Variants in PCDH15 observed in about 807,000 individuals in gnomAD.
PCDH15 encodes the protein protocadherin-15.
In PCDH15, 129 loss-of-function variants were observed where a neutral mutation model predicts 178.5. That is an observed-to-expected ratio of 0.72 (90% CI 0.63 to 0.84). The LOEUF is 0.84. Ranked by LOEUF, PCDH15 falls within the 40% of genes least tolerant of loss-of-function variation. The pLI is 0.00. For missense variants in PCDH15, 2,230 were observed against 2,099.9 expected (o/e 1.06, Z -1.21); for synonymous variants, 800 against 732.0 (o/e 1.09, Z -1.50).
At chr10:55,241,901 C>T (rs1841551851) in intron 1 of PCDH15, among the ~76,000 whole-genome samples, 2 of 152,162 alleles carry the variant, frequency 1.3e-5, no homozygotes, top group South Asian at 4.1e-4. Flanking sequence ...TGAGTTAGAA[C>T]TTATCACAAA....
intron 3 of PCDH15, among the ~76,000 whole-genome samples, chr10:54,890,294 A>G (rs1236032773): frequency 1.3e-5 from 2 of 152,108 alleles, no homozygotes; most frequent in Non-Finnish European, 2.9e-5. Context: ...CTCTAAACAT[A>G]CATGTTTAAG....
chr10:54,367,323 AC>A (rs1247925804), intron 5 of PCDH15, among the ~76,000 whole-genome samples: 2 of 152,042 alleles, frequency 1.3e-5, no homozygotes, highest in Non-Finnish European at 1.5e-5. Flanking sequence ...AAATTGCAAA[AC>A]TTTTGAAAAG....
chr10:55,219,246 A>C (rs1353893690), intron 1 of PCDH15, among the ~76,000 whole-genome samples: 2 of 151,872 alleles, frequency 1.3e-5, no homozygotes, highest in African/African-American at 4.8e-5. Context: ...GTGGCTATAC[A>C]TCCTGTTGTG....
chr10:54,985,069 T>C (rs1448213701), intron 2 of PCDH15, among the ~76,000 whole-genome samples: 1 of 152,068 alleles, frequency 6.6e-6, no homozygotes, highest in Admixed American at 6.5e-5. Context: ...TTATATGACC[T>C]ATATGTTAGG....
intron 2 of PCDH15, among the ~76,000 whole-genome samples, chr10:54,910,384 AT>A (rs1019118235): frequency 8.6e-5 from 13 of 152,016 alleles, no homozygotes; most frequent in African/African-American, 2.9e-4. Flanking sequence ...TTACAAGCAT[AT>A]TTTTTTCCTT....
rs779314972 is a variant in PCDH15 at position 53,808,890 on chromosome 10, C to T, written c.4671+1666G>A. 3.1e-6 allele frequency: 5 copies of T among 1,594,174 alleles called. No homozygotes were observed. The South Asian group carries it at 3.4e-5, about 11-fold the overall frequency. On this transcript the variant is annotated intron_variant, in intron 37 of 37. Coordinates refer to ENST00000644397, the MANE Select transcript of PCDH15 (RefSeq NM_001384140.1). ...CCACCGAAGCTGATTCTGCACTGCC[C>T]TCTTCAGGGATATCTTGAGCTTCAG...
At chr10:54,890,469 A>G (rs913429464) in intron 3 of PCDH15, among the ~76,000 whole-genome samples, 2 of 152,096 alleles carry the variant, frequency 1.3e-5, no homozygotes, top group African/African-American at 2.4e-5. Flanking sequence ...TTAAGTCTAC[A>G]GATGGCAATT....
At chr10:55,196,441 C>T (rs1840095316) in intron 1 of PCDH15, among the ~76,000 whole-genome samples, 1 of 151,994 alleles carries the variant, frequency 6.6e-6, no homozygotes, top group South Asian at 2.1e-4. Flanking sequence ...CAATAGAGCT[C>T]TCAATTATTT....
At chr10:54,710,441 T>G (rs956841586) in intron 1 of PCDH15, among the ~76,000 whole-genome samples, 1 of 152,052 alleles carries the variant, frequency 6.6e-6, no homozygotes, top group Non-Finnish European at 1.5e-5. Context: ...GAAGCATTTC[T>G]CTCTCAAGAC....
At chr10:55,393,597 T>G (rs1026272038) in intron 2 of PCDH15, among the ~76,000 whole-genome samples, 3 of 152,148 alleles carry the variant, frequency 2.0e-5, no homozygotes, top group Non-Finnish European at 4.4e-5. Flanking sequence ...CCATCTGGCA[T>G]GGCACAATGA....
intron 17 of PCDH15, among the ~76,000 whole-genome samples, chr10:54,068,229 A>C (rs2094174488): frequency 6.6e-6 from 1 of 152,102 alleles, no homozygotes; most frequent in African/African-American, 2.4e-5. Context: ...TTTCATGCAC[A>C]GTGTTCAGTA....
At chr10:54,115,640 C>T (rs1300600220) in intron 15 of PCDH15, among the ~76,000 whole-genome samples, 2 of 152,198 alleles carry the variant, frequency 1.3e-5, no homozygotes, top group Admixed American at 1.3e-4. Flanking sequence ...ATAATTTTCC[C>T]TGTAGGCAGC....
intron 1 of PCDH15, among the ~76,000 whole-genome samples, chr10:54,730,347 T>C (rs148593199): frequency 1.3e-3 from 201 of 151,520 alleles, no homozygotes; most frequent in African/African-American, 4.8e-3. Context: ...GAGCTAAACA[T>C]TGAGTACACA....
At chr10:54,164,914 G>A (rs1196970530) in intron 13 of PCDH15, among the ~76,000 whole-genome samples, 1 of 152,154 alleles carries the variant, frequency 6.6e-6, no homozygotes, top group Non-Finnish European at 1.5e-5. Flanking sequence ...TTGGAGCTGT[G>A]TAAGGTCTAC....
intron 2 of PCDH15, among the ~76,000 whole-genome samples, chr10:55,007,186 C>T (rs185748335): frequency 3.5e-4 from 53 of 152,276 alleles, no homozygotes; most frequent in African/African-American, 1.2e-3. Flanking sequence ...GTCAATTACA[C>T]CTCTTTTCTC....
intron 25 of PCDH15, among the ~76,000 whole-genome samples, chr10:53,925,114 C>T (rs543778943): frequency 4.6e-5 from 7 of 152,280 alleles, no homozygotes; most frequent in Admixed American, 2.0e-4. Context: ...AGCTGGGGTC[C>T]TCTTCCACAC....
At chr10:55,623,277 T>C (rs1837444658) in intron 2 of PCDH15, among the ~76,000 whole-genome samples, 3 of 152,292 alleles carry the variant, frequency 2.0e-5, no homozygotes, top group East Asian at 1.9e-4. Context: ...TGGACTTACA[T>C]ACAAGTGGCT....
At chr10:54,722,179 A>G (rs1012563794) in intron 1 of PCDH15, among the ~76,000 whole-genome samples, 4 of 151,840 alleles carry the variant, frequency 2.6e-5, no homozygotes, top group Non-Finnish European at 2.9e-5. Flanking sequence ...CTTTATGATG[A>G]AAACCCTCAA....
intron 3 of PCDH15, among the ~76,000 whole-genome samples, chr10:54,431,724 T>C (rs1956989070): frequency 6.6e-6 from 1 of 152,120 alleles, no homozygotes; most frequent in Non-Finnish European, 1.5e-5. Flanking sequence ...TTCATTACTG[T>C]TGTTTAACAC....
Sources: gnomAD v4.1 joint callset for allele counts (sites outside exome capture counted in the v4.1 genomes callset) on GRCh38, gnomAD v4.1.1 for gene constraint, MANE v1.5 for transcripts, NCBI Gene and HGNC (gene_info 2026-07-23, HGNC 2026-07-21) for gene names.